DACH1: variants seen among roughly 807,000 people sequenced by gnomAD.
DACH1 encodes dachshund family transcription factor 1.
In DACH1, 12 loss-of-function variants were observed where a neutral mutation model predicts 54.2. That is an observed-to-expected ratio of 0.22 (90% CI 0.14 to 0.36). The LOEUF (loss-of-function observed/expected upper bound fraction) is 0.36, where lower values mean the gene tolerates loss of function less well. Among genes scored for constraint, DACH1 ranks in the 10% least tolerant of loss-of-function variants. DACH1 has a pLI of 1.00. For synonymous variants in DACH1, 386 were observed against 366.2 expected (o/e 1.05, Z -0.62); for missense variants, 805 against 929.8 (o/e 0.87, Z 1.75).
intron 1 of DACH1, among the ~76,000 whole-genome samples, chr13:71,714,042 T>C (rs867418592): frequency 6.8e-4 from 104 of 152,182 alleles, no homozygotes; most frequent in African/African-American, 2.4e-3. Flanking sequence ...TTGAATATCA[T>C]ATATTTATTA....
In DACH1 at chr13:71,708,118, G is replaced by GA. The variant is rs770113102; in HGVS notation, c.849-26209dup. ...GGCGATTTTCACTAAAACCAAAAAT[G>GA]AAAAAAAAAAAAAGTAAAAACAAAA... On this transcript the variant is annotated intron_variant, in intron 1 of 10. Coordinates refer to ENST00000613252, the MANE Select transcript of DACH1 (RefSeq NM_080759.6). Among the ~76,000 whole-genome samples, 1,277 of 128,820 alleles carry GA rather than the reference G, an allele frequency of 9.9e-3. 13 individuals are homozygous for GA. The highest frequency in any genetic ancestry group is 0.032 in the African/African-American group (1,147 of 35,302). 84.5% of individuals were successfully genotyped at this position (128,820 alleles called of 152,430 possible).
chr13:71,726,383 G>A (rs1404512278), intron 1 of DACH1, among the ~76,000 whole-genome samples: 10 of 152,056 alleles, frequency 6.6e-5, no homozygotes, highest in East Asian at 1.9e-4. Context: ...TAAACTCAGC[G>A]TGACTTAACA....
Position 71,710,452 on chromosome 13 carries a change from TTGTGTGTGTGTGTGTG to T in DACH1, c.849-28558_849-28543del, listed in dbSNP as rs71681955. On this transcript the variant is annotated intron_variant, in intron 1 of 10. Coordinates refer to ENST00000613252, the MANE Select transcript of DACH1 (RefSeq NM_080759.6). Reference sequence around the variant, plus strand: ...AAAGTGAGGTTCAAATATGAGGGTTTTGTGTGTGTGTGTGTGTGTGTGTGTGTGTGTGTGTGTGTGT... The same window carrying T: ...AAAGTGAGGTTCAAATATGAGGGTTTTGTGTGTGTGTGTGTGTGTGTGTGT... Among the ~76,000 whole-genome samples, 7 of 140,662 alleles carry T rather than the reference TTGTGTGTGTGTGTGTG, an allele frequency of 5.0e-5. No individual in the cohort carries two copies. In the East Asian group the frequency reaches 6.4e-4, roughly 13 times the overall value. 92.3% of individuals were successfully genotyped at this position (140,662 alleles called of 152,430 possible).
At chr13:71,754,676 A>T (rs1391469271) in intron 1 of DACH1, among the ~76,000 whole-genome samples, 1 of 152,110 alleles carries the variant, frequency 6.6e-6, no homozygotes, top group Non-Finnish European at 1.5e-5. Flanking sequence ...TATTTCATGA[A>T]ATTCTCAAAA....
At chr13:71,637,803 A>C (rs1330531515) in intron 2 of DACH1, among the ~76,000 whole-genome samples, 2 of 152,182 alleles carry the variant, frequency 1.3e-5, no homozygotes, top group Non-Finnish European at 2.9e-5. Context: ...ATTTATTTCA[A>C]ATAAGTTAGT....
chr13:71,839,654 C>A (rs1019493241), intron 1 of DACH1, among the ~76,000 whole-genome samples: 2 of 151,970 alleles, frequency 1.3e-5, no homozygotes, highest in African/African-American at 4.8e-5. Context: ...GGAGTTCACA[C>A]CAAAATCTAG....
chr13:71,750,274 C>T (rs185886392), intron 1 of DACH1, among the ~76,000 whole-genome samples: 1 of 152,308 alleles, frequency 6.6e-6, no homozygotes, highest in Non-Finnish European at 1.5e-5. Flanking sequence ...GTAGCAACCA[C>T]TTACCCTACC....
At chr13:71,483,098 G>C (rs535060229) in intron 7 of DACH1, among the ~76,000 whole-genome samples, 1 of 151,810 alleles carries the variant, frequency 6.6e-6, no homozygotes, top group South Asian at 2.1e-4. Context: ...CATGGCGCCC[G>C]GCCCAACTGA....
chr13:71,776,701 ATCATT>A (rs1411950357), intron 1 of DACH1, among the ~76,000 whole-genome samples: 2 of 152,160 alleles, frequency 1.3e-5, no homozygotes, highest in African/African-American at 2.4e-5. Flanking sequence ...CTTCTTACAT[ATCATT>A]TCATTTCATA....
chr13:71,675,703 T>C (rs1416457548), intron 2 of DACH1, among the ~76,000 whole-genome samples: 3 of 152,296 alleles, frequency 2.0e-5, no homozygotes, highest in Admixed American at 2.0e-4. Flanking sequence ...ACGTAAAGCA[T>C]TAATGCAAGT....
chr13:71,763,209 T>C (rs1038356427), intron 1 of DACH1, among the ~76,000 whole-genome samples: 4 of 152,244 alleles, frequency 2.6e-5, no homozygotes, highest in African/African-American at 9.6e-5. Flanking sequence ...TATATTCATT[T>C]TGCAGATTAT....
At chr13:71,552,123 T>TA (rs1883853825) in intron 6 of DACH1, among the ~76,000 whole-genome samples, 1 of 152,068 alleles carries the variant, frequency 6.6e-6, no homozygotes, top group Non-Finnish European at 1.5e-5. Context: ...GCCTTATCTG[T>TA]AGGAGAAATG....
At chr13:71,549,149 A>G (rs904777641) in intron 6 of DACH1, among the ~76,000 whole-genome samples, 1 of 152,118 alleles carries the variant, frequency 6.6e-6, no homozygotes, top group African/African-American at 2.4e-5. Flanking sequence ...CCAAATAATA[A>G]GTTATCCAAT....
At chr13:71,674,702 A>G (rs1880437886) in intron 2 of DACH1, among the ~76,000 whole-genome samples, 1 of 20,654 alleles carries the variant, frequency 4.8e-5, no homozygotes, top group African/African-American at 1.8e-4. Context: ...TTTTGCCACT[A>G]AGCTTGTGGT....
At chr13:71,501,178 T>C (rs1165773188) in intron 6 of DACH1, among the ~76,000 whole-genome samples, 1 of 152,170 alleles carries the variant, frequency 6.6e-6, no homozygotes, top group East Asian at 1.9e-4. Context: ...AATTAAACTA[T>C]AACTCGATCT....
intron 1 of DACH1, among the ~76,000 whole-genome samples, chr13:71,774,550 C>T (rs537233184): frequency 2.6e-5 from 4 of 152,038 alleles, no homozygotes; most frequent in Admixed American, 6.6e-5. Flanking sequence ...TGGTAGAAAC[C>T]GTATAATTTA....
chr13:71,792,402 A>C (rs148104826), intron 1 of DACH1, among the ~76,000 whole-genome samples: 1 of 152,236 alleles, frequency 6.6e-6, no homozygotes, highest in African/African-American at 2.4e-5. Context: ...GAAAAAAACA[A>C]GATGGATGAT....
chr13:71,860,255 C>T (rs1021955504), intron 1 of DACH1, among the ~76,000 whole-genome samples: 4 of 151,284 alleles, frequency 2.6e-5, no homozygotes, highest in African/African-American at 4.8e-5. Context: ...TGCAGATATA[C>T]ATCTCTTAAA....
intron 1 of DACH1, among the ~76,000 whole-genome samples, chr13:71,780,280 GT>G (rs996654417): frequency 2.0e-5 from 3 of 151,912 alleles, no homozygotes; most frequent in African/African-American, 7.3e-5. Flanking sequence ...GCATTTTAGA[GT>G]TTTTTCATTG....
Sources: gnomAD v4.1 joint callset for allele counts (sites outside exome capture counted in the v4.1 genomes callset) on GRCh38, gnomAD v4.1.1 for gene constraint, MANE v1.5 for transcripts, NCBI Gene and HGNC (gene_info 2026-07-23, HGNC 2026-07-21) for gene names.